ADAM19: variants seen among roughly 807,000 people sequenced by gnomAD.
The protein encoded by ADAM19 is disintegrin and metalloproteinase domain-containing protein 19.
A neutral mutation model predicts 114.7 loss-of-function variants in ADAM19; 65 were observed. The ratio of observed to expected loss-of-function variants is 0.57; its 90% CI spans 0.46 to 0.70. The LOEUF (loss-of-function observed/expected upper bound fraction) is 0.70. Among genes scored for constraint, ADAM19 ranks in the 30% least tolerant of loss-of-function variants. The pLI, the probability that ADAM19 is intolerant of heterozygous loss-of-function variation, is 0.00. For missense variants in ADAM19, 1,063 were observed against 1,204.7 expected (o/e 0.88, Z 1.74); for synonymous variants, 466 against 460.5 (o/e 1.01, Z -0.15).
chr5:157,491,546 A>G lies in ADAM19; in HGVS notation c.2095+69T>C. The G allele has an allele frequency of 3.5e-6, 4 of 1,129,242 alleles. No individual in the cohort carries two copies. In the East Asian group the frequency reaches 7.9e-5, roughly 22 times the overall value. The allele number at this position is 1,129,242 out of a possible 1,614,324, so 70.0% of individuals were successfully genotyped here. A position where few individuals can be genotyped will look rare whatever the true frequency, so the allele number is the denominator to read the frequency against. On this transcript the variant is annotated intron_variant, in intron 18 of 22. Transcript: ENST00000257527. ...TGATTCAATGTGGATGCTCTGCAAC[A>G]TGCCACCTGCCCCTGATGCCCGCTC...
At chr5:157,482,051 A>G (rs1754770585) in intron 21 of ADAM19, 108 bp from the exon 22 acceptor site, 2 of 900,112 alleles carry the variant, frequency 2.2e-6, no homozygotes, top group Non-Finnish European at 3.3e-6. Context: ...TATATACTGT[A>G]TGGTCCCATT....
chr5:157,548,195 A>AT (rs1331595125), intron 3 of ADAM19, among the ~76,000 whole-genome samples: 1 of 151,968 alleles, frequency 6.6e-6, no homozygotes, highest in Non-Finnish European at 1.5e-5. Context: ...CGTGCCCCCA[A>AT]TCCAGAGGAA....
chr5:157,499,666 G>C lies in ADAM19; in HGVS notation c.1309-4C>G, dbSNP rs372295207. The C allele has an allele frequency of 6.9e-6, 11 of 1,600,814 alleles. No homozygotes were observed. The highest frequency in any genetic ancestry group is 7.7e-6 in the Non-Finnish European group (9 of 1,173,156). ...TGCAGCAGGGGTTGTTACATTCCTG[G>C]GGAGGCAGTGGGGTGGGTGTGAGTG... On this transcript the variant is annotated splice_region_variant and splice_polypyrimidine_tract_variant and intron_variant, in intron 12 of 22. Transcript: ENST00000257527.
intron 2 of ADAM19, among the ~76,000 whole-genome samples, chr5:157,570,294 AACAAAAAAC>A (rs1757786393): frequency 1.4e-5 from 2 of 146,952 alleles, no homozygotes; most frequent in Admixed American, 1.4e-4. Context: ...AAAACAAAAA[AACAAAAAAC>A]AAAAACCAGA....
chr5:157,536,660 T>C (rs2113762314), intron 4 of ADAM19, among the ~76,000 whole-genome samples: 1 of 152,304 alleles, frequency 6.6e-6, no homozygotes, highest in East Asian at 1.9e-4. Context: ...ACCTGTCCTG[T>C]GTCCCTTTCC....
intron 11 of ADAM19, among the ~76,000 whole-genome samples, chr5:157,504,797 C>T (rs1377541526): frequency 2.0e-5 from 3 of 151,888 alleles, no homozygotes; most frequent in African/African-American, 7.3e-5. Flanking sequence ...TGAAGAAACT[C>T]CCTAATTCTC....
intron 21 of ADAM19, among the ~76,000 whole-genome samples, chr5:157,486,059 T>C (rs532267066): frequency 1.3e-5 from 2 of 152,282 alleles, no homozygotes; most frequent in Non-Finnish European, 1.5e-5. Flanking sequence ...CTATCACTTC[T>C]CCAGGGGGTC....
chr5:157,485,536 T>C (rs1318095672), intron 21 of ADAM19, among the ~76,000 whole-genome samples: 1 of 152,330 alleles, frequency 6.6e-6, no homozygotes, highest in Non-Finnish European at 1.5e-5. Context: ...CACTGTCCTC[T>C]TCCTATGGAA....
intron 4 of ADAM19, among the ~76,000 whole-genome samples, chr5:157,533,977 A>T (rs1756694009): frequency 6.6e-6 from 1 of 152,088 alleles, no homozygotes; most frequent in Admixed American, 6.6e-5. Context: ...CAAAAAAAGA[A>T]AAAAGAAAGA....
chr5:157,568,868 G>A (rs1172210916), intron 2 of ADAM19: 1 of 152,144 alleles, frequency 6.6e-6, no homozygotes, highest in African/African-American at 2.4e-5. Flanking sequence ...TACGGTGCCA[G>A]GCACTATGCT....
intron 2 of ADAM19, among the ~76,000 whole-genome samples, chr5:157,567,059 T>C (rs1757683828): frequency 6.6e-6 from 1 of 152,176 alleles, no homozygotes; most frequent in African/African-American, 2.4e-5. Context: ...AAAGCTTACT[T>C]CTTGCATGTC....
chr5:157,499,696 A>G (rs1581303478), intron 12 of ADAM19, 34 bp from the exon 13 acceptor site: 1 of 1,423,752 alleles, frequency 7.0e-7, no homozygotes, highest in Admixed American at 1.9e-5. Context: ...TGAGTGGGGG[A>G]GGGCCTTCAC....
Position 157,479,160 on chromosome 5 carries a change from G to A in ADAM19, c.*1789C>T. 1 of 985,898 alleles carries A rather than the reference G, an allele frequency of 1.0e-6. No homozygotes were observed. The highest frequency in any genetic ancestry group is 1.2e-6 in the Non-Finnish European group (1 of 829,964). The allele number at this position is 985,898 out of a possible 1,614,324, so 61.1% of individuals were successfully genotyped here. On this transcript the variant is annotated 3_prime_UTR_variant, in exon 23 of 23. Coordinates refer to ENST00000257527, the MANE Select transcript of ADAM19 (RefSeq NM_033274.5). ...CCCACGGCAAGGACATGGGGAACCT[G>A]TATCACAGCCACCCTGAGGGAAGAG...
In ADAM19 at chr5:157,480,332, A is replaced by T; in HGVS notation, c.*617T>A. 1 of 986,878 alleles carries T rather than the reference A, an allele frequency of 1.0e-6. No homozygotes were observed. Among genetic ancestry groups the T allele is most frequent in the Non-Finnish European group, 1.2e-6 (1 of 830,966 alleles). 61.1% of individuals were successfully genotyped at this position (986,878 alleles called of 1,614,324 possible). ...GTCTGAGTCAGAGTGACCCGTGTGA[A>T]TACAGGGATGCAGGGGTTTGGGGAG... is the stretch of plus-strand genomic sequence containing the variant. On this transcript the variant is annotated 3_prime_UTR_variant, in exon 23 of 23. Coordinates refer to ENST00000257527, the MANE Select transcript of ADAM19 (RefSeq NM_033274.5).
chr5:157,513,072 A>G (rs1237025232), intron 8 of ADAM19, among the ~76,000 whole-genome samples: 1 of 152,180 alleles, frequency 6.6e-6, no homozygotes, highest in Non-Finnish European at 1.5e-5. Flanking sequence ...CCCAGCTCCC[A>G]CTTAGAGCAG....
intron 4 of ADAM19, among the ~76,000 whole-genome samples, chr5:157,536,415 G>A (rs1035163707): frequency 1.3e-5 from 2 of 152,170 alleles, no homozygotes; most frequent in African/African-American, 4.8e-5. Flanking sequence ...ATCACCTGAG[G>A]TCAGGAGTTC....
intron 5 of ADAM19, among the ~76,000 whole-genome samples, chr5:157,521,921 C>G (rs1190155450): frequency 6.6e-6 from 1 of 152,194 alleles, no homozygotes; most frequent in Non-Finnish European, 1.5e-5. Flanking sequence ...TCTGTGTGCA[C>G]CAGGTTGTGG....
intron 18 of ADAM19, among the ~76,000 whole-genome samples, chr5:157,490,720 C>T (rs562777064): frequency 8.5e-5 from 13 of 152,088 alleles, no homozygotes; most frequent in South Asian, 8.3e-4. Context: ...GGTGAAACCT[C>T]GTCTCTACTA....
At chr5:157,481,768 T>G (rs1331949962) in intron 22 of ADAM19, 23 bp downstream of exon 22, 1 of 1,560,582 alleles carries the variant, frequency 6.4e-7, no homozygotes, top group African/African-American at 1.4e-5. Flanking sequence ...AGCTTTCACC[T>G]TGAGGGCTTC....
Sources: allele counts gnomAD v4.1 joint callset (sites outside exome capture counted in the v4.1 genomes callset), GRCh38; gene constraint gnomAD v4.1.1; transcripts MANE v1.5; gene names NCBI Gene and HGNC (gene_info 2026-07-23, HGNC 2026-07-21).